Variants in CERS6 observed in about 807,000 individuals in gnomAD.
CERS6 encodes the protein LAG1 homolog, ceramide synthase 6.
CERS6 carries 26 observed loss-of-function variants against 56.8 expected under a neutral mutation model. The ratio of observed to expected loss-of-function variants is 0.46; its 90% CI spans 0.34 to 0.63. CERS6 has a LOEUF of 0.63. CERS6 is among the 30% of genes least tolerant of loss of function. The pLI, the probability that CERS6 is intolerant of heterozygous loss-of-function variation, is 0.01. For missense variants in CERS6, 415 were observed against 467.5 expected (o/e 0.89, Z 1.04); for synonymous variants, 164 against 173.3 (o/e 0.95, Z 0.42).
intron 3 of CERS6, among the ~76,000 whole-genome samples, chr2:168,588,266 C>T (rs1209003760): frequency 1.3e-5 from 2 of 151,922 alleles, no homozygotes; most frequent in Non-Finnish European, 2.9e-5. Context: ...TAAAACTTAC[C>T]GTCTTACCCA....
At chr2:168,734,079 A>G (rs1378481296) in intron 8 of CERS6, among the ~76,000 whole-genome samples, 1 of 152,166 alleles carries the variant, frequency 6.6e-6, no homozygotes, top group Non-Finnish European at 1.5e-5. Flanking sequence ...AAAAGCTCTA[A>G]AAGTTTTATG....
intron 4 of CERS6, among the ~76,000 whole-genome samples, chr2:168,665,963 T>TGTGC (rs57456333): frequency 0.07 from 10,203 of 145,754 alleles, 407 homozygotes; most frequent in Non-Finnish European, 0.092. Context: ...TGTGTGTGTG[T>TGTGC]GTGTGTGTGT....
intron 1 of CERS6, among the ~76,000 whole-genome samples, chr2:168,484,875 G>A (rs4668068): frequency 0.99 from 151,189 of 152,312 alleles, 75,046 homozygotes; most frequent in East Asian, 1. Flanking sequence ...GTTTCCACAG[G>A]TAAATCCCTG....
In CERS6 at chr2:168,769,504, C is replaced by T; in HGVS notation, c.1003-6C>T. 1 of 1,581,796 alleles carries T rather than the reference C, an allele frequency of 6.3e-7. No individual in the cohort carries two copies. Among genetic ancestry groups the T allele is most frequent in the Non-Finnish European group, 8.6e-7 (1 of 1,168,286 alleles). On this transcript the variant is annotated splice_region_variant and splice_polypyrimidine_tract_variant and intron_variant, in intron 9 of 9. Coordinates refer to ENST00000305747, the MANE Select transcript of CERS6 (RefSeq NM_203463.3). Reference sequence around the variant, plus strand: ...CTGGTTATACTCACCTGCTTCTACTCCACAGGTGTCCAAGGATGATCGAAG... The same window carrying T: ...CTGGTTATACTCACCTGCTTCTACTTCACAGGTGTCCAAGGATGATCGAAG...
chr2:168,571,546 A>G (rs1695986978), intron 3 of CERS6, among the ~76,000 whole-genome samples: 2 of 152,084 alleles, frequency 1.3e-5, no homozygotes, highest in Non-Finnish European at 2.9e-5. Context: ...CCAATTGACT[A>G]TTGAAAGTAG....
At chr2:168,477,195 G>A (rs534524380) in intron 1 of CERS6, among the ~76,000 whole-genome samples, 7 of 150,354 alleles carry the variant, frequency 4.7e-5, no homozygotes, top group African/African-American at 1.7e-4. Context: ...GAGAGAGAGA[G>A]AGAGAGAGAG....
chr2:168,657,038 C>A (rs1685494819), intron 4 of CERS6, among the ~76,000 whole-genome samples: 1 of 152,042 alleles, frequency 6.6e-6, no homozygotes, highest in African/African-American at 2.4e-5. Context: ...TGTTTACAAA[C>A]CTTGAGCTAG....
chr2:168,584,315 C>G (rs1167284265), intron 3 of CERS6, among the ~76,000 whole-genome samples: 2 of 152,114 alleles, frequency 1.3e-5, no homozygotes, highest in East Asian at 1.9e-4. Context: ...TTGCTGTTTG[C>G]GTGATACCCC....
chr2:168,498,065 C>G (rs1319392118), intron 1 of CERS6, among the ~76,000 whole-genome samples: 3 of 152,138 alleles, frequency 2.0e-5, no homozygotes, highest in African/African-American at 7.2e-5. Flanking sequence ...CTATTTCTTA[C>G]CTGGCAGAAG....
intron 1 of CERS6, among the ~76,000 whole-genome samples, chr2:168,513,827 G>A (rs1341421347): frequency 6.6e-6 from 1 of 152,078 alleles, no homozygotes; most frequent in Non-Finnish European, 1.5e-5. Context: ...TTGCTCCTGA[G>A]GCTGTTGGAA....
intron 1 of CERS6, among the ~76,000 whole-genome samples, chr2:168,534,082 CCT>C (rs1362489377): frequency 6.6e-6 from 1 of 151,996 alleles, no homozygotes; most frequent in Admixed American, 6.6e-5. Context: ...CATTTATGTT[CCT>C]CTCTAAACTG....
intron 1 of CERS6, among the ~76,000 whole-genome samples, chr2:168,462,111 T>G (rs1693790175): frequency 6.6e-6 from 1 of 152,270 alleles, no homozygotes; most frequent in East Asian, 1.9e-4. Context: ...TTGCATACAC[T>G]TACATTTCTT....
chr2:168,685,844 A>G (rs1283603429), intron 4 of CERS6, among the ~76,000 whole-genome samples: 1 of 151,764 alleles, frequency 6.6e-6, no homozygotes, highest in Non-Finnish European at 1.5e-5. Flanking sequence ...TGCCTCTGGG[A>G]GAAGAGGCAC....
rs149575185 is a variant in CERS6 at position 168,632,880 on chromosome 2, T to C, written c.465+1838T>C. Reference sequence around the variant, plus strand: ...AAAGAGAGGATGAGCACGTTTTTGCTCTTTTCCTTTAGGCCTGCTGGATAT... The same window carrying C: ...AAAGAGAGGATGAGCACGTTTTTGCCCTTTTCCTTTAGGCCTGCTGGATAT... On this transcript the variant is annotated intron_variant, in intron 4 of 9. Transcript: ENST00000305747. 1.5e-4 allele frequency among the ~76,000 whole-genome samples: 23 copies of C among 152,242 alleles called. No individual in the cohort carries two copies. In the East Asian group the frequency reaches 4.1e-3, roughly 27 times the overall value.
chr2:168,695,156 C>G, intron 6 of CERS6, 105 bp downstream of exon 6: 1 of 808,382 alleles, frequency 1.2e-6, no homozygotes, highest in East Asian at 2.5e-5. Flanking sequence ...CTCCTGGCAG[C>G]CCTAGGTTAG....
chr2:168,576,297 C>A (rs1683267997), intron 3 of CERS6, among the ~76,000 whole-genome samples: 1 of 152,174 alleles, frequency 6.6e-6, no homozygotes, highest in African/African-American at 2.4e-5. Flanking sequence ...CTGTAAATTC[C>A]TTCATGACAA....
At chr2:168,458,321 A>G (rs557336147) in intron 1 of CERS6, among the ~76,000 whole-genome samples, 254 of 152,332 alleles carry the variant, frequency 1.7e-3, no homozygotes, top group Non-Finnish European at 3.0e-3. Context: ...TCTGTGCACA[A>G]ACAGCCGAAT....
chr2:168,619,943 A>G (rs73024541), intron 3 of CERS6, among the ~76,000 whole-genome samples: 4,648 of 148,688 alleles, frequency 0.031, 267 homozygotes, highest in African/African-American at 0.11. Flanking sequence ...ATGCCCATCA[A>G]TCAACAAAGT....
intron 4 of CERS6, among the ~76,000 whole-genome samples, chr2:168,670,001 G>A (rs1049127806): frequency 6.6e-6 from 1 of 152,070 alleles, no homozygotes; most frequent in East Asian, 1.9e-4. Context: ...ATACTCCATC[G>A]GATTCATTTT....
Sources: allele counts gnomAD v4.1 joint callset (sites outside exome capture counted in the v4.1 genomes callset), GRCh38; gene constraint gnomAD v4.1.1; transcripts MANE v1.5; gene names NCBI Gene and HGNC (gene_info 2026-07-23, HGNC 2026-07-21).